TRDN: variants seen among roughly 807,000 people sequenced by gnomAD.
TRDN encodes the protein triadin in skeletal muscle.
In TRDN, 161 loss-of-function variants were observed where a neutral mutation model predicts 149.7. That is an observed-to-expected ratio of 1.08 (90% confidence interval 0.95 to 1.23). The LOEUF (loss-of-function observed/expected upper bound fraction) is 1.23. TRDN is among the 50% of genes most tolerant of loss of function. The pLI is 0.00. For missense variants in TRDN, 896 were observed against 823.5 expected, an observed-to-expected ratio of 1.09 and a Z score of -1.08; for synonymous variants, 294 against 250.5, an observed-to-expected ratio of 1.17 and a Z score of -1.64.
At chr6:123,376,781 T>G (rs1373209384) in intron 18 of TRDN, among the ~76,000 whole-genome samples, 1 of 152,090 alleles carries the variant, frequency 6.6e-6, no homozygotes, top group East Asian at 1.9e-4. Context: ...TTGGGCCCCT[T>G]TGCGTGGTTT....
chr6:123,532,074 C>G (rs1780276984), intron 4 of TRDN, among the ~76,000 whole-genome samples: 1 of 151,986 alleles, frequency 6.6e-6, no homozygotes, highest in Admixed American at 6.6e-5. Context: ...CTATCACTGT[C>G]TAGACCTATA....
At chr6:123,391,644 A>T (rs1189500097) in intron 13 of TRDN, among the ~76,000 whole-genome samples, 1 of 152,034 alleles carries the variant, frequency 6.6e-6, no homozygotes, top group Non-Finnish European at 1.5e-5. Context: ...AATTCCAAAG[A>T]ATATATGCTA....
intron 1 of TRDN, among the ~76,000 whole-genome samples, chr6:123,608,711 A>G (rs1167177200): frequency 6.6e-6 from 1 of 152,220 alleles, no homozygotes; most frequent in Non-Finnish European, 1.5e-5. Context: ...GAAGATTAAC[A>G]TATTGAATAT....
chr6:123,252,446 AAAAT>A lies in TRDN; in HGVS notation c.1952-15_1952-12del, dbSNP rs1459178642. On this transcript the variant is annotated splice_polypyrimidine_tract_variant and intron_variant, in intron 37 of 40. Coordinates refer to ENST00000334268, the MANE Select transcript of TRDN (RefSeq NM_006073.4). ...TTGCAGGTTTTTCTGCTAAAAAGAG[AAAAT>A]AAATAAGTTTTGTTTAACTGAGATA... 2 of 1,485,062 alleles carry A rather than the reference AAAAT, an allele frequency of 1.3e-6. No individual in the cohort carries two copies. Among genetic ancestry groups the A allele is most frequent in the African/African-American group, 2.8e-5 (2 of 71,908 alleles). 92.0% of individuals were successfully genotyped at this position (1,485,062 alleles called of 1,614,324 possible).
chr6:123,521,071 C>T (rs1241262118), intron 5 of TRDN, among the ~76,000 whole-genome samples: 2 of 152,170 alleles, frequency 1.3e-5, no homozygotes, highest in East Asian at 1.9e-4. Context: ...CAGCTAAATC[C>T]CTTGTCAGCC....
intron 8 of TRDN, among the ~76,000 whole-genome samples, chr6:123,499,721 T>A (rs200062215): frequency 0.14 from 4,517 of 31,406 alleles, 272 homozygotes; most frequent in African/African-American, 0.2. Flanking sequence ...AAAAAAAAAA[T>A]ATATATATAT....
At chr6:123,514,104 C>T (rs771023106) in intron 6 of TRDN, among the ~76,000 whole-genome samples, 2 of 152,112 alleles carry the variant, frequency 1.3e-5, no homozygotes, top group Admixed American at 6.6e-5. Flanking sequence ...GTGGCTCACA[C>T]CTGTAATCCC....
At chr6:123,363,823 T>C (rs146472865) in intron 20 of TRDN, among the ~76,000 whole-genome samples, 27 of 152,324 alleles carry the variant, frequency 1.8e-4, no homozygotes, top group African/African-American at 6.3e-4. Context: ...CCCTAAATAC[T>C]GTTCAATCAA....
chr6:123,247,977 T>C (rs1776245618), intron 38 of TRDN, among the ~76,000 whole-genome samples: 1 of 151,930 alleles, frequency 6.6e-6, no homozygotes, highest in African/African-American at 2.4e-5. Context: ...TTGACAGACC[T>C]GACAAAAACA....
At chr6:123,292,786 T>A (rs1171970134) in intron 24 of TRDN, among the ~76,000 whole-genome samples, 1 of 152,148 alleles carries the variant, frequency 6.6e-6, no homozygotes, top group African/African-American at 2.4e-5. Context: ...TCTGTGAACC[T>A]TTGGGGGACC....
chr6:123,409,802 T>C (rs923691499), intron 12 of TRDN, among the ~76,000 whole-genome samples: 1 of 152,054 alleles, frequency 6.6e-6, no homozygotes, highest in African/African-American at 2.4e-5. Flanking sequence ...ATGAAATTCA[T>C]TGAAACAAGA....
At chr6:123,566,762 T>A (rs897533248) in intron 2 of TRDN, among the ~76,000 whole-genome samples, 11 of 152,226 alleles carry the variant, frequency 7.2e-5, no homozygotes, top group Non-Finnish European at 1.5e-4. Flanking sequence ...TCTATCAAAA[T>A]TAACATTAAA....
rs1281043223 is a variant in TRDN, at chr6:123,516,060, A to T, written c.550+81T>A. 8 of 1,277,288 alleles carry T rather than the reference A, an allele frequency of 6.3e-6. No individual in the cohort carries two copies. In the African/African-American group the frequency reaches 1.1e-4, roughly 17 times the overall value. 79.1% of individuals were successfully genotyped at this position (1,277,288 alleles called of 1,614,324 possible). A position where few individuals can be genotyped will look rare whatever the true frequency, so the allele number is the denominator to read the frequency against. On this transcript the variant is annotated intron_variant, in intron 6 of 40. Transcript: ENST00000334268. ...ATCTAATTTGTAAAACTGCGTGGTCATCTAAAATCTGAATGTAAAGAGTAG... is the reference window on the plus strand; with the variant it reads ...ATCTAATTTGTAAAACTGCGTGGTCTTCTAAAATCTGAATGTAAAGAGTAG...
intron 24 of TRDN, among the ~76,000 whole-genome samples, chr6:123,297,037 G>A (rs1185402220): frequency 6.6e-6 from 1 of 152,080 alleles, no homozygotes; most frequent in Non-Finnish European, 1.5e-5. Flanking sequence ...ATAAGAGAGT[G>A]TTTGGAAAGT....
rs536227097 is a variant in TRDN, at chr6:123,561,701, C to A, written c.232+9222G>T. Among the ~76,000 whole-genome samples, 7 of 152,214 alleles carry A rather than the reference C, an allele frequency of 4.6e-5. No individual in the cohort carries two copies. The South Asian group carries it at 1.2e-3, about 27-fold the overall frequency. ...ATACAAAACCGTATCCAGGCCATCA[C>A]CAATAATTCTATATGACAAATGTTT... On this transcript the variant is annotated intron_variant, in intron 2 of 40. Coordinates refer to ENST00000334268, the MANE Select transcript of TRDN (RefSeq NM_006073.4).
At chr6:123,537,961 G>C (rs956528148) in intron 4 of TRDN, among the ~76,000 whole-genome samples, 3 of 152,138 alleles carry the variant, frequency 2.0e-5, no homozygotes, top group Non-Finnish European at 4.4e-5. Context: ...TTTAAAGCAT[G>C]CAATTTTTCT....
intron 1 of TRDN, among the ~76,000 whole-genome samples, chr6:123,583,418 T>C (rs925326696): frequency 5.9e-5 from 9 of 151,820 alleles, no homozygotes; most frequent in African/African-American, 2.2e-4. Context: ...TGAGGACAGG[T>C]CTGACTTCTG....
intron 24 of TRDN, among the ~76,000 whole-genome samples, chr6:123,291,306 T>C (rs1377650999): frequency 6.6e-6 from 1 of 152,104 alleles, no homozygotes; most frequent in African/African-American, 2.4e-5. Context: ...GGATCACGCC[T>C]GTAAGCCCAG....
chr6:123,543,097 C>T (rs912840359), intron 4 of TRDN, among the ~76,000 whole-genome samples: 13 of 152,068 alleles, frequency 8.5e-5, no homozygotes, highest in African/African-American at 3.1e-4. Flanking sequence ...ACTATTCTAG[C>T]TTATTTACTG....
Sources: allele counts gnomAD v4.1 joint callset (sites outside exome capture counted in the v4.1 genomes callset), GRCh38; gene constraint gnomAD v4.1.1; transcripts MANE v1.5; gene names NCBI Gene and HGNC (gene_info 2026-07-23, HGNC 2026-07-21).